The following EEF1AKMT2 variants were observed in gnomAD, a reference collection of about 807,000 sequenced individuals.
The protein encoded by EEF1AKMT2 is EEF1A lysine methyltransferase 2.
In EEF1AKMT2, 32 loss-of-function variants were observed where a neutral mutation model predicts 35.8. That is an observed-to-expected ratio of 0.89 (90% CI 0.67 to 1.20). EEF1AKMT2 has a LOEUF of 1.20. Among genes scored for constraint, EEF1AKMT2 ranks in the 50% most tolerant of loss-of-function variants. The pLI is 0.00. For missense variants in EEF1AKMT2, 330 were observed against 347.5 expected (o/e 0.95, Z 0.40); for synonymous variants, 121 against 133.7 (o/e 0.91, Z 0.65).
chr10:124,785,031 G>C (rs569981840), intron 3 of EEF1AKMT2, among the ~76,000 whole-genome samples: 162 of 151,470 alleles, frequency 1.1e-3, no homozygotes, highest in African/African-American at 3.8e-3. Flanking sequence ...GGAAAATCAC[G>C]AGATCAGGCA....
In EEF1AKMT2 at chr10:124,760,458, C is replaced by T. The variant is rs1950321252; in HGVS notation, c.*45G>A. The T allele has an allele frequency of 6.8e-6, 11 of 1,613,766 alleles. No homozygotes were observed. In the East Asian group the frequency reaches 2.5e-4, roughly 36 times the overall value. The stretch of plus-strand genomic sequence containing the variant: ...TGCTACACTGTTTCCAGATCTGCCT[C>T]CAAAGCTGAACTTGGGTGTTGGTAG... On this transcript the variant is annotated 3_prime_UTR_variant, in exon 7 of 7. Transcript: ENST00000368836.
chr10:124,760,972 C>G (rs542520646), intron 6 of EEF1AKMT2, among the ~76,000 whole-genome samples: 1 of 152,196 alleles, frequency 6.6e-6, no homozygotes, highest in South Asian at 2.1e-4. Context: ...AGAGTTCAAG[C>G]GATTCTCACT....
At chr10:124,784,158 C>T (rs1162714385) in intron 3 of EEF1AKMT2, among the ~76,000 whole-genome samples, 2 of 151,900 alleles carry the variant, frequency 1.3e-5, no homozygotes, top group South Asian at 2.1e-4. Flanking sequence ...TGAAAAATTC[C>T]CCAAGACACA....
At chr10:124,777,155 T>C (rs879757629) in intron 3 of EEF1AKMT2, among the ~76,000 whole-genome samples, 1 of 151,430 alleles carries the variant, frequency 6.6e-6, no homozygotes, top group Admixed American at 6.6e-5. Context: ...GGTGGGCACC[T>C]GAAATTCCAG....
At chr10:124,788,542 A>G (rs1950606658) in intron 3 of EEF1AKMT2, among the ~76,000 whole-genome samples, 1 of 151,764 alleles carries the variant, frequency 6.6e-6, no homozygotes, top group Admixed American at 6.6e-5. Context: ...ATTCCTCCAC[A>G]GCACACAGCA....
chr10:124,783,059 T>C, intron 3 of EEF1AKMT2: 1 of 327,342 alleles, frequency 3.1e-6, no homozygotes, highest in South Asian at 2.6e-5. Context: ...AAAAAGGGGC[T>C]GAACATCATG....
intron 3 of EEF1AKMT2, among the ~76,000 whole-genome samples, chr10:124,779,789 G>A (rs1291230474): frequency 2.9e-5 from 4 of 139,040 alleles, no homozygotes; most frequent in Admixed American, 7.8e-5. Context: ...ATAGTCAGGC[G>A]TGGTGGCTCA....
chr10:124,760,259 A>G lies in EEF1AKMT2; in HGVS notation c.*244T>C. ...CCCAACCACTTAGATGCTCATTATT[A>G]TTATTTTCTTTCACCAATCCAGTAT... On this transcript the variant is annotated 3_prime_UTR_variant, in exon 7 of 7. Coordinates refer to ENST00000368836, the MANE Select transcript of EEF1AKMT2 (RefSeq NM_212554.4). 2.2e-6 allele frequency: 1 copy of G among 451,554 alleles called. No individual in the cohort carries two copies. Among genetic ancestry groups the G allele is most frequent in the Non-Finnish European group, 4.0e-6 (1 of 252,554 alleles). 28.0% of individuals were successfully genotyped at this position (451,554 alleles called of 1,614,324 possible). A position where few individuals can be genotyped will look rare whatever the true frequency, so the allele number is the denominator to read the frequency against.
chr10:124,764,303 C>CAAAAAAAA (rs71893253), intron 5 of EEF1AKMT2, among the ~76,000 whole-genome samples: 3 of 127,576 alleles, frequency 2.4e-5, no homozygotes, highest in Non-Finnish European at 3.4e-5. Flanking sequence ...AGTGCAGGAT[C>CAAAAAAAA]AAAAAAAAAA....
At chr10:124,781,983 T>C (rs1339758655) in intron 3 of EEF1AKMT2, among the ~76,000 whole-genome samples, 1 of 152,096 alleles carries the variant, frequency 6.6e-6, no homozygotes, top group African/African-American at 2.4e-5. Flanking sequence ...AGTGGTAAAA[T>C]ACTGATTCCA....
chr10:124,781,488 A>C (rs1474493944), intron 3 of EEF1AKMT2, among the ~76,000 whole-genome samples: 1 of 151,620 alleles, frequency 6.6e-6, no homozygotes, highest in Non-Finnish European at 1.5e-5. Flanking sequence ...CTGAGGCAGA[A>C]GAATCAATCG....
At chr10:124,762,054 T>G (rs1211756782) in intron 6 of EEF1AKMT2, among the ~76,000 whole-genome samples, 1 of 152,242 alleles carries the variant, frequency 6.6e-6, no homozygotes, top group Admixed American at 6.5e-5. Flanking sequence ...TTTTCATGCT[T>G]TGAGCTCAAA....
In EEF1AKMT2 at chr10:124,762,369, G is replaced by A; in HGVS notation, c.806C>T (p.Ser269Leu). 7.9e-7 allele frequency: 1 copy of A among 1,267,658 alleles called. No homozygotes were observed. Among genetic ancestry groups the A allele is most frequent in the Non-Finnish European group, 1.0e-6 (1 of 962,830 alleles). The allele number at this position is 1,267,658 out of a possible 1,614,324, so 78.5% of individuals were successfully genotyped here. A position where few individuals can be genotyped will look rare whatever the true frequency, so the allele number is the denominator to read the frequency against. ...GGGAGGCCAGGTGGGAGAATCACTT[G>A]AGCCCAGGAGTTCCAGACCAGCCTG... is the stretch of plus-strand genomic sequence containing the variant. ...VVQAGLELLG[S>L]SDSPTWPPKV... is the part of the protein sequence containing the mutation. The change falls in exon 6 of 7, where the codon TCA becomes TTA. Residue 269 changes from serine (S) to leucine (L), a missense_variant. By Grantham distance (145) the Ser-to-Leu change is moderately radical (BLOSUM62 -2). Transcript: ENST00000368836.
downstream of EEF1AKMT2, chr10:124,757,725 A>AG (rs1950297304): frequency 6.6e-6 from 1 of 152,158 alleles, no homozygotes; most frequent in African/African-American, 2.4e-5. Flanking sequence ...CTTCAAAAAA[A>AG]AAACAAAAAA....
At chr10:124,762,677 C>A in intron 5 of EEF1AKMT2, 119 bp from the exon 6 acceptor site, 1 of 505,294 alleles carries the variant, frequency 2.0e-6, no homozygotes, top group Non-Finnish European at 2.6e-6. Flanking sequence ...TCTAATTTCA[C>A]CAAATCATAA....
intron 4 of EEF1AKMT2, among the ~76,000 whole-genome samples, chr10:124,772,565 A>ATTACAGACAC (rs1241055222): frequency 2.0e-5 from 3 of 150,690 alleles, no homozygotes; most frequent in African/African-American, 7.3e-5. Context: ...AGTAGCTGGG[A>ATTACAGACAC]TTACAGACAC....
chr10:124,772,420 C>CTTTTTTTTTTTTTTTTTT (rs59707540), intron 4 of EEF1AKMT2, among the ~76,000 whole-genome samples: 1 of 75,412 alleles, frequency 1.3e-5, no homozygotes. Context: ...TTTTCTTTTT[C>CTTTTTTTTTTTTTTTTTT]TTTTTTTTTT....
At chr10:124,763,189 G>A (rs1950347094) in intron 5 of EEF1AKMT2, among the ~76,000 whole-genome samples, 1 of 152,154 alleles carries the variant, frequency 6.6e-6, no homozygotes, top group Non-Finnish European at 1.5e-5. Context: ...GGTGGTTATT[G>A]TTTTCATTCA....
intron 6 of EEF1AKMT2, among the ~76,000 whole-genome samples, chr10:124,761,882 A>T (rs1950334504): frequency 6.6e-6 from 1 of 152,226 alleles, no homozygotes; most frequent in African/African-American, 2.4e-5. Flanking sequence ...AGATTATCCC[A>T]CTGCACTCCA....
Sources: allele counts gnomAD v4.1 joint callset (sites outside exome capture counted in the v4.1 genomes callset), GRCh38; gene constraint gnomAD v4.1.1; transcripts MANE v1.5; gene names NCBI Gene and HGNC (gene_info 2026-07-23, HGNC 2026-07-21).